Variants in NPRL3 observed in about 807,000 individuals in gnomAD.
NPRL3 encodes NPR3 like, GATOR1 complex subunit, also known as GATOR1 complex protein NPRL3.
A neutral mutation model predicts 57.2 loss-of-function variants in NPRL3; 23 were observed. That is an observed-to-expected ratio of 0.40 (90% confidence interval 0.29 to 0.57). NPRL3 has a LOEUF of 0.57. Ranked by LOEUF, NPRL3 falls within the 20% of genes least tolerant of loss-of-function variation. The pLI, the probability that NPRL3 is intolerant of heterozygous loss-of-function variation, is 0.42. For missense variants in NPRL3, 691 were observed against 767.1 expected, an observed-to-expected ratio of 0.90 and a Z score of 1.17; for synonymous variants, 333 against 321.1, an observed-to-expected ratio of 1.04 and a Z score of -0.39.
At chr16:95,342 T>TAC (rs1296717310) in intron 9 of NPRL3, among the ~76,000 whole-genome samples, 48 of 55,618 alleles carry the variant, frequency 8.6e-4, no homozygotes, top group South Asian at 5.2e-3. Context: ...TATATATATA[T>TAC]ATATATATAC....
chr16:108,852 A>G (rs567528490), intron 7 of NPRL3, among the ~76,000 whole-genome samples: 2 of 150,832 alleles, frequency 1.3e-5, no homozygotes, highest in African/African-American at 4.9e-5. Flanking sequence ...TTGTATTTTT[A>G]GTAGACAGCG....
At chr16:111,419 A>G (rs1378732297) in intron 6 of NPRL3, among the ~76,000 whole-genome samples, 2 of 151,686 alleles carry the variant, frequency 1.3e-5, no homozygotes, top group East Asian at 1.9e-4. Flanking sequence ...TATATTTGAC[A>G]ATTACCTGTC....
chr16:124,665 G>A (rs1432148240), intron 3 of NPRL3, among the ~76,000 whole-genome samples: 1 of 152,230 alleles, frequency 6.6e-6, no homozygotes, highest in Non-Finnish European at 1.5e-5. Context: ...CAGCACACCT[G>A]ACTTCCCTAA....
At chr16:118,878 AAGCCACACCTGCCCAGGGGG>A (rs891831018) in intron 4 of NPRL3, among the ~76,000 whole-genome samples, 4 of 145,892 alleles carry the variant, frequency 2.7e-5, no homozygotes, top group African/African-American at 1.0e-4. Flanking sequence ...TGCCCAGGGG[AAGCCACACCTGCCCAGGGGG>A]AGCCACACCT....
At chr16:100,633 C>CGG (rs1294513169) in intron 7 of NPRL3, 124 bp from the exon 8 acceptor site, 1 of 948,208 alleles carries the variant, frequency 1.1e-6, no homozygotes, top group African/African-American at 1.7e-5. Context: ...GGTGGAGACC[C>CGG]GGGCAGGAGA....
chr16:105,191 T>C (rs1180626767), intron 7 of NPRL3, among the ~76,000 whole-genome samples: 2 of 152,180 alleles, frequency 1.3e-5, no homozygotes, highest in African/African-American at 2.4e-5. Context: ...TGACAATGAC[T>C]ATGCAAAAGG....
Position 100,520 on chromosome 16 carries a change from T to G in NPRL3, c.630-11A>C. On this transcript the variant is annotated splice_polypyrimidine_tract_variant and intron_variant, in intron 7 of 13. Coordinates refer to ENST00000611875, the MANE Select transcript of NPRL3 (RefSeq NM_001077350.3). ...CCCGACGTGCACAGGCTGCAGAGAG[T>G]GGGCGCTGTTACCCGTTCACATAAA... is the stretch of plus-strand genomic sequence containing the variant. 1 of 1,544,764 alleles carries G rather than the reference T, an allele frequency of 6.5e-7. No homozygotes were observed. Among genetic ancestry groups the G allele is most frequent in the South Asian group, 1.3e-5 (1 of 79,620 alleles).
intron 3 of NPRL3, among the ~76,000 whole-genome samples, chr16:127,535 C>G (rs565111009): frequency 5.7e-4 from 87 of 152,112 alleles, no homozygotes; most frequent in Non-Finnish European, 1.0e-3. Flanking sequence ...GCTCCCGGCC[C>G]CAAAAGAACT....
At chr16:132,612 C>G (rs887641160) in intron 2 of NPRL3, among the ~76,000 whole-genome samples, 1 of 151,940 alleles carries the variant, frequency 6.6e-6, no homozygotes, top group Non-Finnish European at 1.5e-5. Context: ...TTATTTTGCC[C>G]TGATCTGTCC....
At chr16:108,555 G>A (rs774350450) in intron 7 of NPRL3, among the ~76,000 whole-genome samples, 3 of 152,064 alleles carry the variant, frequency 2.0e-5, no homozygotes, top group South Asian at 4.1e-4. Flanking sequence ...GGTTAGCACT[G>A]GAAGGCTGGA....
rs1898444449 is a variant in NPRL3 at position 85,875 on chromosome 16, G to A, written c.*830C>T. 1.5e-6 allele frequency: 2 copies of A among 1,312,568 alleles called. No homozygotes were observed. The highest frequency in any genetic ancestry group is 2.0e-6 in the Non-Finnish European group (2 of 1,017,490). The allele number at this position is 1,312,568 out of a possible 1,614,324, so 81.3% of individuals were successfully genotyped here. A position where few individuals can be genotyped will look rare whatever the true frequency, so the allele number is the denominator to read the frequency against. ...TGCCTTAGCCAGAGCTCCTCTAGGT[G>A]ATCAACCCATGTCTGGAGCTAGCTC... is the stretch of plus-strand genomic sequence containing the variant. On this transcript the variant is annotated 3_prime_UTR_variant, in exon 14 of 14. Coordinates refer to ENST00000611875, the MANE Select transcript of NPRL3 (RefSeq NM_001077350.3).
intron 13 of NPRL3, 32 bp downstream of exon 13, chr16:88,666 G>A: frequency 6.3e-7 from 1 of 1,578,224 alleles, no homozygotes; most frequent in African/African-American, 1.3e-5. Flanking sequence ...CCTGCAACTG[G>A]CCCCAGTCCC....
At chr16:123,227 G>T (rs911131647) in intron 3 of NPRL3, among the ~76,000 whole-genome samples, 1 of 152,162 alleles carries the variant, frequency 6.6e-6, no homozygotes, top group Non-Finnish European at 1.5e-5. Context: ...AGGAAGAGGA[G>T]GTTTGTGTGA....
chr16:92,560 C>G (rs1253984516), intron 11 of NPRL3, 36 bp downstream of exon 11: 1 of 1,607,104 alleles, frequency 6.2e-7, no homozygotes, highest in South Asian at 1.1e-5. Context: ...CACTACACAC[C>G]TGCCACTCTG....
At chr16:136,472 A>G (rs565734687) in intron 2 of NPRL3, among the ~76,000 whole-genome samples, 9 of 152,032 alleles carry the variant, frequency 5.9e-5, no homozygotes, top group African/African-American at 1.2e-4. Flanking sequence ...GGCGGATCAC[A>G]AGGTCAGGAG....
intron 2 of NPRL3, among the ~76,000 whole-genome samples, chr16:131,757 C>G (rs1363551629): frequency 6.6e-6 from 1 of 152,010 alleles, no homozygotes; most frequent in Non-Finnish European, 1.5e-5. Flanking sequence ...TAAAATAAGA[C>G]AACAATGACC....
chr16:138,368 TGAGGAGGAC>T (rs1901230779), intron 1 of NPRL3, 34 bp from the exon 2 acceptor site: 1 of 768,610 alleles, frequency 1.3e-6, no homozygotes, highest in African/African-American at 2.6e-5. Flanking sequence ...GGAGGGGGCC[TGAGGAGGAC>T]GAGGCGGGGA....
chr16:96,431 G>C (rs1255150263), intron 9 of NPRL3, among the ~76,000 whole-genome samples: 4 of 152,096 alleles, frequency 2.6e-5, no homozygotes, highest in African/African-American at 9.7e-5. Context: ...GTATGGAGTG[G>C]TGAGTTCTTT....
chr16:102,129 A>T (rs1367379907), intron 7 of NPRL3, among the ~76,000 whole-genome samples: 2 of 152,312 alleles, frequency 1.3e-5, no homozygotes, highest in East Asian at 3.9e-4. Flanking sequence ...GTGGGGATGC[A>T]GCCCACGTCA....
Sources: allele counts gnomAD v4.1 joint callset (sites outside exome capture counted in the v4.1 genomes callset), GRCh38; gene constraint gnomAD v4.1.1; transcripts MANE v1.5; gene names NCBI Gene and HGNC (gene_info 2026-07-23, HGNC 2026-07-21).